Variants in FBXO15 observed in about 807,000 individuals in gnomAD.
The protein encoded by FBXO15 is F-box only protein 15.
In FBXO15, 30 loss-of-function variants were observed where a neutral mutation model predicts 49.5. The ratio of observed to expected loss-of-function variants is 0.61; its 90% CI spans 0.45 to 0.82. The LOEUF (loss-of-function observed/expected upper bound fraction) is 0.82. Among genes scored for constraint, FBXO15 ranks in the 40% least tolerant of loss-of-function variants. The probability of loss-of-function intolerance (pLI) is 0.00; values close to 1 mark genes in which losing one functional copy is unlikely to be tolerated. For synonymous variants in FBXO15, 250 were observed against 232.7 expected, an observed-to-expected ratio of 1.07 and a Z score of -0.68; for missense variants, 591 against 631.5, an observed-to-expected ratio of 0.94 and a Z score of 0.69.
intron 9 of FBXO15, 55 bp from the exon 10 acceptor site, chr18:74,073,785 C>G (rs939687247): frequency 1.2e-4 from 184 of 1,544,178 alleles, no homozygotes; most frequent in Non-Finnish European, 1.6e-4. Context: ...ACCTGATTTT[C>G]ACAGAAAATC....
chr18:74,133,511 C>T (rs1169918960), intron 3 of FBXO15, among the ~76,000 whole-genome samples: 1 of 152,224 alleles, frequency 6.6e-6, no homozygotes, highest in Non-Finnish European at 1.5e-5. Flanking sequence ...ATTTGGTTGA[C>T]TCCTTCCTTG....
chr18:74,128,773 C>T (rs1978303854), intron 5 of FBXO15, among the ~76,000 whole-genome samples: 1 of 152,206 alleles, frequency 6.6e-6, no homozygotes, highest in African/African-American at 2.4e-5. Flanking sequence ...CAGTGCAAAG[C>T]CACCTGACAA....
At chr18:74,137,708 T>C (rs1978807270) in intron 2 of FBXO15, among the ~76,000 whole-genome samples, 1 of 152,224 alleles carries the variant, frequency 6.6e-6, no homozygotes, top group African/African-American at 2.4e-5. Context: ...TATTTCACTT[T>C]GTGTGGGGTA....
chr18:74,094,586 G>A (rs1364200457), intron 8 of FBXO15, among the ~76,000 whole-genome samples: 2 of 152,176 alleles, frequency 1.3e-5, no homozygotes, highest in Non-Finnish European at 2.9e-5. Context: ...TCTGAGAAGT[G>A]GGTCTCAATA....
intron 1 of FBXO15, among the ~76,000 whole-genome samples, chr18:74,144,838 C>T (rs1226930300): frequency 6.6e-6 from 1 of 152,196 alleles, no homozygotes; most frequent in Non-Finnish European, 1.5e-5. Flanking sequence ...AGAATACATA[C>T]TGGCTTAATC....
In FBXO15 at chr18:74,080,798, A is replaced by G. The variant is rs147145914; in HGVS notation, c.1263+1129T>C. On this transcript the variant is annotated intron_variant, in intron 9 of 9. Transcript: ENST00000419743. ...TACTACATTTCCCTTTTTTCTCCCA[A>G]TGAGAACTAAATGACTGCTCTCATC... 2.9e-3 allele frequency among the ~76,000 whole-genome samples: 442 copies of G among 152,320 alleles called. 4 individuals are homozygous for G. Among genetic ancestry groups the G allele is most frequent in the South Asian group, 8.1e-3 (39 of 4,822 alleles).
At chr18:74,107,592 A>T (rs907442777) in intron 8 of FBXO15, among the ~76,000 whole-genome samples, 3 of 151,854 alleles carry the variant, frequency 2.0e-5, no homozygotes, top group Non-Finnish European at 4.4e-5. Flanking sequence ...CAACCAGTAT[A>T]AAAAAAAGGG....
chr18:74,082,239 G>A (rs557594381), intron 8 of FBXO15, 188 bp from the exon 9 acceptor site: 2 of 446,636 alleles, frequency 4.5e-6, no homozygotes, highest in Non-Finnish European at 7.7e-6. Flanking sequence ...TGTCCCAGAG[G>A]CAGAAACATT....
chr18:74,140,215 C>CA lies in FBXO15; in HGVS notation c.213dup (p.Gly72TrpfsTer39). 1.9e-6 allele frequency: 3 copies of CA among 1,551,214 alleles called. No individual in the cohort carries two copies. The highest frequency in any genetic ancestry group is 2.6e-6 in the Non-Finnish European group (3 of 1,146,878). On this transcript the variant is annotated frameshift_variant, in exon 2 of 10. Coordinates refer to ENST00000419743, the MANE Select transcript of FBXO15 (RefSeq NM_001142958.2). LOFTEE classifies it high-confidence loss of function. ...TCTGCTACTTACCCATCCAGGAACC[C>CA]AGAACAGCAGGAGAAAGAGCTCTCC...
At chr18:74,127,437 A>C (rs1055662786) in intron 5 of FBXO15, among the ~76,000 whole-genome samples, 1 of 152,242 alleles carries the variant, frequency 6.6e-6, no homozygotes, top group Non-Finnish European at 1.5e-5. Flanking sequence ...TCTGACTAGA[A>C]AGGTATAAAT....
At chr18:74,084,872 T>A (rs1912671412) in intron 8 of FBXO15, among the ~76,000 whole-genome samples, 1 of 152,150 alleles carries the variant, frequency 6.6e-6, no homozygotes, top group Admixed American at 6.5e-5. Flanking sequence ...TGAGGATGAA[T>A]GGAACTGATA....
rs539240726 is a variant in FBXO15, at chr18:74,116,254, G to A, written c.1138+7114C>T. On this transcript the variant is annotated intron_variant, in intron 8 of 9. Coordinates refer to ENST00000419743, the MANE Select transcript of FBXO15 (RefSeq NM_001142958.2). ...TGTGGTGGCTACATGATTTTTTATT[G>A]TATTGTTTTTCTGTAGCCTGTATAC... Among the ~76,000 whole-genome samples the A allele has an allele frequency of 3.3e-5, 5 of 152,184 alleles. No homozygotes were observed. In the East Asian group the frequency reaches 9.7e-4, roughly 29 times the overall value.
Position 74,139,172 on chromosome 18 carries a change from C to T in FBXO15, c.227+1030G>A, listed in dbSNP as rs74674636. On this transcript the variant is annotated intron_variant, in intron 2 of 9. Transcript: ENST00000419743. Reference sequence around the variant, plus strand: ...TAAGTCTTTCCTCACCACGCCACCCCATTATTCTGGACTGGGGGATCCATT... The same window carrying T: ...TAAGTCTTTCCTCACCACGCCACCCTATTATTCTGGACTGGGGGATCCATT... 5.6e-3 allele frequency among the ~76,000 whole-genome samples: 849 copies of T among 152,304 alleles called. 8 individuals are homozygous for T. The highest frequency in any genetic ancestry group is 0.02 in the African/African-American group (816 of 41,566).
intron 9 of FBXO15, among the ~76,000 whole-genome samples, chr18:74,078,935 G>A (rs1367857473): frequency 6.6e-6 from 1 of 152,192 alleles, no homozygotes; most frequent in African/African-American, 2.4e-5. Context: ...CAGCTGCAGT[G>A]CTTGTCAAGT....
At chr18:74,082,763 G>C (rs1436576528) in intron 8 of FBXO15, among the ~76,000 whole-genome samples, 1 of 152,120 alleles carries the variant, frequency 6.6e-6, no homozygotes, top group Non-Finnish European at 1.5e-5. Flanking sequence ...CCTGAGAAGC[G>C]ACCATCAGTT....
chr18:74,099,051 G>A (rs1309477641), intron 8 of FBXO15: 1 of 152,252 alleles, frequency 6.6e-6, no homozygotes, highest in African/African-American at 2.4e-5. Flanking sequence ...CTTGAACCCA[G>A]GAGGTAAAGG....
chr18:74,147,382 A>G (rs1437836833), intron 1 of FBXO15, among the ~76,000 whole-genome samples: 1 of 151,774 alleles, frequency 6.6e-6, no homozygotes, highest in Admixed American at 6.6e-5. Flanking sequence ...CGGAGAAACG[A>G]CCTCTTGGAC....
chr18:74,115,019 G>A (rs1239880326), intron 8 of FBXO15, among the ~76,000 whole-genome samples: 10 of 152,174 alleles, frequency 6.6e-5, no homozygotes, highest in Admixed American at 6.5e-4. Context: ...GGGAGATAAT[G>A]TCTAGAAGCA....
chr18:74,107,203 A>C (rs1040425509), intron 8 of FBXO15, among the ~76,000 whole-genome samples: 5 of 145,190 alleles, frequency 3.4e-5, no homozygotes, highest in Non-Finnish European at 7.4e-5. Context: ...TAAAAAAAAA[A>C]AAAACAACAA....
Sources: allele counts gnomAD v4.1 joint callset (sites outside exome capture counted in the v4.1 genomes callset), GRCh38; gene constraint gnomAD v4.1.1; transcripts MANE v1.5; gene names NCBI Gene and HGNC (gene_info 2026-07-23, HGNC 2026-07-21).